TMEM132D: variants seen among roughly 807,000 people sequenced by gnomAD.
TMEM132D encodes mature OL transmembrane protein.
In TMEM132D, 21 loss-of-function variants were observed where a neutral mutation model predicts 62.3. The ratio of observed to expected loss-of-function variants is 0.34; its 90% CI spans 0.24 to 0.49. The LOEUF is 0.49. Ranked by LOEUF, TMEM132D falls within the 20% of genes least tolerant of loss-of-function variation. The probability of loss-of-function intolerance (pLI) is 0.99; values close to 1 mark genes in which losing one functional copy is unlikely to be tolerated. For synonymous variants in TMEM132D, 621 were observed against 575.6 expected, an observed-to-expected ratio of 1.08 and a Z score of -1.13; for missense variants, 1,346 against 1,402.8, an observed-to-expected ratio of 0.96 and a Z score of 0.65.
intron 3 of TMEM132D, among the ~76,000 whole-genome samples, chr12:129,462,706 A>G (rs1026337832): frequency 1.3e-5 from 2 of 152,206 alleles, no homozygotes; most frequent in African/African-American, 4.8e-5. Context: ...GGCTCTGGCA[A>G]TTAAGTTTTG....
intron 8 of TMEM132D, among the ~76,000 whole-genome samples, chr12:129,077,649 C>T (rs762772978): frequency 4.6e-5 from 7 of 150,682 alleles, no homozygotes; most frequent in South Asian, 2.1e-4. Context: ...CACATGCATA[C>T]GGACACACAT....
intron 1 of TMEM132D, among the ~76,000 whole-genome samples, chr12:129,762,346 T>A (rs979742044): frequency 6.6e-6 from 1 of 152,000 alleles, no homozygotes; most frequent in Non-Finnish European, 1.5e-5. Flanking sequence ...ATGGGCAGAT[T>A]GAATTTTTTA....
chr12:129,172,461 C>T lies in TMEM132D; in HGVS notation c.1443+37059G>A, dbSNP rs115264871. On this transcript the variant is annotated intron_variant, in intron 5 of 8. Transcript: ENST00000422113. The stretch of plus-strand genomic sequence containing the variant: ...TGAGGCGAGAGGCCTAGCTTTTGGC[C>T]TATCTTGGCTTTCCATCTGCCTTCC... 1.5e-3 allele frequency among the ~76,000 whole-genome samples: 226 copies of T among 152,358 alleles called. 1 individual carries two copies. Among genetic ancestry groups the T allele is most frequent in the African/African-American group, 5.2e-3 (215 of 41,584 alleles).
intron 5 of TMEM132D, chr12:129,109,705 A>T (rs2135643044): frequency 6.1e-6 from 1 of 163,866 alleles, no homozygotes; most frequent in South Asian, 1.9e-4. Flanking sequence ...CCACGTGAGA[A>T]GTGCCTTTCG....
intron 3 of TMEM132D, among the ~76,000 whole-genome samples, chr12:129,466,856 C>T (rs1412703911): frequency 3.3e-5 from 5 of 152,166 alleles, no homozygotes; most frequent in Non-Finnish European, 7.3e-5. Flanking sequence ...TCAGCTTCAA[C>T]GTCACCATCT....
chr12:129,408,793 A>G (rs1871875382), intron 3 of TMEM132D, among the ~76,000 whole-genome samples: 1 of 152,212 alleles, frequency 6.6e-6, no homozygotes, highest in Non-Finnish European at 1.5e-5. Context: ...TTTGTGTGTC[A>G]TATTTTGTCA....
intron 4 of TMEM132D, among the ~76,000 whole-genome samples, chr12:129,276,528 T>C (rs1881012320): frequency 6.6e-6 from 1 of 152,200 alleles, no homozygotes; most frequent in Admixed American, 6.5e-5. Flanking sequence ...ACCTAAATCC[T>C]AGCAAGCTAT....
intron 2 of TMEM132D, among the ~76,000 whole-genome samples, chr12:129,699,155 T>C (rs1881309964): frequency 6.6e-6 from 1 of 152,224 alleles, no homozygotes; most frequent in Non-Finnish European, 1.5e-5. Flanking sequence ...TACGTTATAT[T>C]CCACAGTGAA....
chr12:129,591,228 C>T (rs886374600), intron 2 of TMEM132D, among the ~76,000 whole-genome samples: 1 of 152,150 alleles, frequency 6.6e-6, no homozygotes, highest in Admixed American at 6.5e-5. Context: ...ATGGCATATC[C>T]TCATCATGGC....
chr12:129,352,383 T>C (rs1869894306), intron 3 of TMEM132D, among the ~76,000 whole-genome samples: 1 of 152,050 alleles, frequency 6.6e-6, no homozygotes, highest in African/African-American at 2.4e-5. Context: ...CTTCCTCCTT[T>C]TACTTTCAAG....
chr12:129,253,785 C>G (rs1275154053), intron 4 of TMEM132D, among the ~76,000 whole-genome samples: 2 of 152,126 alleles, frequency 1.3e-5, no homozygotes, highest in Non-Finnish European at 2.9e-5. Flanking sequence ...TTAAATATTC[C>G]TAACTCAGTG....
chr12:129,778,472 T>C (rs1871019626), intron 1 of TMEM132D, among the ~76,000 whole-genome samples: 2 of 152,152 alleles, frequency 1.3e-5, no homozygotes, highest in African/African-American at 4.8e-5. Context: ...TTCCAGCTGT[T>C]TGTGACTCCC....
rs181879225 is a variant in TMEM132D at position 129,255,943 on chromosome 12, G to A, written c.1300-46280C>T. 2.1e-3 allele frequency among the ~76,000 whole-genome samples: 313 copies of A among 152,298 alleles called. 1 individual carries two copies. Among genetic ancestry groups the A allele is most frequent in the African/African-American group, 7.2e-3 (301 of 41,556 alleles). ...GGTGGAGTGGCTTAGATCAGTCCAG[G>A]ACCACCTCTGCTGTGGGCAGCGAGT... On this transcript the variant is annotated intron_variant, in intron 4 of 8. Transcript: ENST00000422113.
chr12:129,270,267 C>G (rs1405280542), intron 4 of TMEM132D, among the ~76,000 whole-genome samples: 1 of 152,124 alleles, frequency 6.6e-6, no homozygotes, highest in African/African-American at 2.4e-5. Context: ...AGCTACAAAG[C>G]TATATTGAGA....
chr12:129,287,597 C>A (rs1881336304), intron 4 of TMEM132D, among the ~76,000 whole-genome samples: 2 of 152,168 alleles, frequency 1.3e-5, no homozygotes, highest in South Asian at 4.2e-4. Context: ...AAAATAGGAA[C>A]CTTACAGTGG....
chr12:129,504,480 A>G (rs1448657752), intron 3 of TMEM132D, among the ~76,000 whole-genome samples: 2 of 152,078 alleles, frequency 1.3e-5, no homozygotes, highest in Non-Finnish European at 2.9e-5. Flanking sequence ...GGTGGGTTTT[A>G]TCTTTCCAGG....
At chr12:129,809,350 C>G (rs984450434) in intron 1 of TMEM132D, among the ~76,000 whole-genome samples, 1 of 150,840 alleles carries the variant, frequency 6.6e-6, no homozygotes, top group Non-Finnish European at 1.5e-5. Flanking sequence ...TCTGAGCAAA[C>G]CTTGGGTCCA....
intron 1 of TMEM132D, among the ~76,000 whole-genome samples, chr12:129,812,776 T>C (rs2137317180): frequency 6.6e-6 from 1 of 151,848 alleles, no homozygotes; most frequent in Non-Finnish European, 1.5e-5. Context: ...GTTTGTGTGA[T>C]CCAACCAAGA....
At chr12:129,838,953 CTTT>C (rs576777558) in intron 1 of TMEM132D, among the ~76,000 whole-genome samples, 6 of 133,214 alleles carry the variant, frequency 4.5e-5, no homozygotes, top group African/African-American at 8.3e-5. Context: ...ACTTAAAACT[CTTT>C]TTTTTTTTTT....
Sources: allele counts gnomAD v4.1 joint callset (sites outside exome capture counted in the v4.1 genomes callset), GRCh38; gene constraint gnomAD v4.1.1; transcripts MANE v1.5; gene names NCBI Gene and HGNC (gene_info 2026-07-23, HGNC 2026-07-21).